Variants in NTM observed in about 807,000 individuals in gnomAD.
NTM encodes neurotrimin.
In NTM, 13 loss-of-function variants were observed where a neutral mutation model predicts 42.1. That is an observed-to-expected ratio of 0.31 (90% CI 0.20 to 0.49). The LOEUF (loss-of-function observed/expected upper bound fraction) is 0.49. Ranked by LOEUF, NTM falls within the 20% of genes least tolerant of loss-of-function variation. NTM has a pLI of 0.99. For synonymous variants in NTM, 187 were observed against 179.2 expected (o/e 1.04, Z -0.35); for missense variants, 373 against 452.8 (o/e 0.82, Z 1.60).
chr11:131,738,887 C>T (rs2080827599), intron 1 of NTM, among the ~76,000 whole-genome samples: 1 of 152,186 alleles, frequency 6.6e-6, no homozygotes, highest in African/African-American at 2.4e-5. Context: ...GTCAGAAAGT[C>T]AACCTGGGTG....
intron 2 of NTM, among the ~76,000 whole-genome samples, chr11:131,958,431 G>A (rs1213060036): frequency 6.6e-6 from 1 of 152,080 alleles, no homozygotes; most frequent in Non-Finnish European, 1.5e-5. Context: ...ACTTAGCACT[G>A]ACTTCAAGAA....
At chr11:131,853,546 G>A (rs761920010) in intron 1 of NTM, among the ~76,000 whole-genome samples, 48 of 152,274 alleles carry the variant, frequency 3.2e-4, no homozygotes, top group Non-Finnish European at 5.9e-4. Flanking sequence ...CTCCAGCTCC[G>A]TCCGTGTCCC....
At chr11:132,043,921 C>T (rs772784015) in intron 2 of NTM, among the ~76,000 whole-genome samples, 6 of 151,792 alleles carry the variant, frequency 4.0e-5, no homozygotes, top group Admixed American at 2.0e-4. Flanking sequence ...AATGGCATTA[C>T]TGCCATCTCA....
intron 1 of NTM, among the ~76,000 whole-genome samples, chr11:131,780,555 G>C (rs1442656209): frequency 6.6e-6 from 1 of 152,112 alleles, no homozygotes; most frequent in Non-Finnish European, 1.5e-5. Flanking sequence ...GACTTGCAGG[G>C]TTTATCAGAA....
intron 1 of NTM, among the ~76,000 whole-genome samples, chr11:131,639,696 G>A (rs978759203): frequency 5.3e-5 from 8 of 152,284 alleles, no homozygotes; most frequent in East Asian, 3.9e-4. Context: ...GGTGGCTCAC[G>A]CCTGTAATCC....
intron 4 of NTM, among the ~76,000 whole-genome samples, chr11:132,262,433 T>C (rs1224424937): frequency 6.6e-6 from 1 of 152,168 alleles, no homozygotes; most frequent in African/African-American, 2.4e-5. Flanking sequence ...GACATTTACT[T>C]CTCACAGTTT....
intron 1 of NTM, among the ~76,000 whole-genome samples, chr11:131,528,909 G>C (rs1389070598): frequency 6.6e-6 from 1 of 152,124 alleles, no homozygotes; most frequent in East Asian, 1.9e-4. Flanking sequence ...TAACTGTTTA[G>C]TGTGTGTGTT....
chr11:131,598,647 C>G, intron 1 of NTM, among the ~76,000 whole-genome samples: 1 of 152,116 alleles, frequency 6.6e-6, no homozygotes, highest in East Asian at 1.9e-4. Context: ...ACCAGCACTA[C>G]AGCAGCAAAG....
intron 1 of NTM, among the ~76,000 whole-genome samples, chr11:131,894,987 G>T (rs777813368): frequency 1.1e-4 from 17 of 152,164 alleles, no homozygotes; most frequent in Non-Finnish European, 1.9e-4. Flanking sequence ...TGTGCCAAGG[G>T]GTGTAACTGA....
At chr11:132,188,224 A>C (rs1376094232) in intron 3 of NTM, among the ~76,000 whole-genome samples, 2 of 152,152 alleles carry the variant, frequency 1.3e-5, no homozygotes, top group Non-Finnish European at 2.9e-5. Flanking sequence ...CCACACAACA[A>C]AGAGTCATCC....
intron 2 of NTM, among the ~76,000 whole-genome samples, chr11:132,007,362 C>G (rs1002645956): frequency 6.6e-6 from 1 of 152,060 alleles, no homozygotes; most frequent in Non-Finnish European, 1.5e-5. Flanking sequence ...CAAATAAGAC[C>G]GCCAGCTGAT....
At chr11:132,169,343 T>TTTTTTTTTTTTTTTTTTTTTTG in intron 3 of NTM, among the ~76,000 whole-genome samples, 1 of 116,182 alleles carries the variant, frequency 8.6e-6, no homozygotes, top group Non-Finnish European at 1.8e-5. Flanking sequence ...TTTTTTTTTT[T>TTTTTTTTTTTTTTTTTTTTTTG]TTTTTTTTTG....
chr11:131,962,166 A>C (rs763343158), intron 2 of NTM, among the ~76,000 whole-genome samples: 23 of 152,054 alleles, frequency 1.5e-4, no homozygotes, highest in Non-Finnish European at 1.6e-4. Context: ...ATACCTCTTG[A>C]GGGAGCACCA....
chr11:131,888,522 AG>A (rs2050749145), intron 1 of NTM, among the ~76,000 whole-genome samples: 1 of 152,068 alleles, frequency 6.6e-6, no homozygotes, highest in Non-Finnish European at 1.5e-5. Flanking sequence ...TTCAGGTCAA[AG>A]GTCACTGCAG....
At chr11:131,695,617 A>C (rs992616286) in intron 1 of NTM, among the ~76,000 whole-genome samples, 3 of 152,098 alleles carry the variant, frequency 2.0e-5, no homozygotes, top group African/African-American at 7.2e-5. Flanking sequence ...TTTCTCCTCC[A>C]CAAGTGTCAA....
chr11:132,144,842 G>C (rs866205355), intron 2 of NTM, among the ~76,000 whole-genome samples: 2 of 152,180 alleles, frequency 1.3e-5, no homozygotes, highest in Non-Finnish European at 2.9e-5. Flanking sequence ...CCTGTGCCAA[G>C]GTGTTTCTTT....
intron 1 of NTM, among the ~76,000 whole-genome samples, chr11:131,726,257 T>TG (rs2078957164): frequency 1.3e-5 from 2 of 152,182 alleles, no homozygotes; most frequent in African/African-American, 4.8e-5. Context: ...ATCTTTTTTG[T>TG]GGCAAGTTCT....
At chr11:131,915,425 G>T (rs1343776536) in intron 2 of NTM, among the ~76,000 whole-genome samples, 1 of 152,194 alleles carries the variant, frequency 6.6e-6, no homozygotes, top group Non-Finnish European at 1.5e-5. Context: ...CCTTGTCATG[G>T]CATGAGCACT....
intron 1 of NTM, among the ~76,000 whole-genome samples, chr11:131,593,920 T>A (rs2059600640): frequency 6.6e-6 from 1 of 152,200 alleles, no homozygotes; most frequent in South Asian, 2.1e-4. Flanking sequence ...CCCCTTGTGG[T>A]GCCTGCATGG....
Sources: gnomAD v4.1 joint callset for allele counts (sites outside exome capture counted in the v4.1 genomes callset) on GRCh38, gnomAD v4.1.1 for gene constraint, MANE v1.5 for transcripts, NCBI Gene and HGNC (gene_info 2026-07-23, HGNC 2026-07-21) for gene names.